Variants in TSPEAR observed in about 807,000 individuals in gnomAD.
TSPEAR encodes thrombospondin-type laminin G domain and EAR repeat-containing protein.
A neutral mutation model predicts 71.6 loss-of-function variants in TSPEAR; 69 were observed. The observed-to-expected ratio is 0.96, with a 90% CI of 0.79 to 1.18. The LOEUF is 1.18. Among genes scored for constraint, TSPEAR ranks in the 50% most tolerant of loss-of-function variants. The probability of loss-of-function intolerance (pLI) is 0.00; values close to 1 mark genes in which losing one functional copy is unlikely to be tolerated. For synonymous variants in TSPEAR, 402 were observed against 387.2 expected (o/e 1.04, Z -0.45); for missense variants, 971 against 894.9 (o/e 1.09, Z -1.09).
intron 2 of TSPEAR, among the ~76,000 whole-genome samples, chr21:44,566,053 A>G (rs1555921700): frequency 2.6e-5 from 4 of 152,030 alleles, no homozygotes; most frequent in African/African-American, 9.7e-5. Flanking sequence ...GGTAGTGTAC[A>G]CCTGTAATTC....
rs1310686791 is a variant in TSPEAR at position 44,508,756 on chromosome 21, C to T, written c.1754+443G>A. 36 of 1,275,088 alleles carry T rather than the reference C, an allele frequency of 2.8e-5. No homozygotes were observed. The East Asian group carries it at 6.2e-4, about 22-fold the overall frequency. 79.0% of individuals were successfully genotyped at this position (1,275,088 alleles called of 1,614,324 possible). A position where few individuals can be genotyped will look rare whatever the true frequency, so the allele number is the denominator to read the frequency against. ...GTCTCCGTGTCCTGGTGTTTGTTGTCGGGGAGGATGCAACATCGGGGGAAG... is the reference window on the plus strand; with the variant it reads ...GTCTCCGTGTCCTGGTGTTTGTTGTTGGGGAGGATGCAACATCGGGGGAAG... On this transcript the variant is annotated intron_variant, in intron 10 of 11. Transcript: ENST00000323084.
intron 1 of TSPEAR, chr21:44,601,313 C>G (rs1555928698): frequency 6.2e-7 from 1 of 1,611,674 alleles, no homozygotes; most frequent in South Asian, 1.1e-5. Context: ...TGCTGTGTGC[C>G]TGTCTGCTGC....
At chr21:44,647,187 C>G in intron 1 of TSPEAR, 1 of 1,614,118 alleles carries the variant, frequency 6.2e-7, no homozygotes, top group Non-Finnish European at 8.5e-7. Context: ...TCTGCCACCC[C>G]GTGTGCAGGT....
chr21:44,652,709 C>T (rs1984885454), intron 1 of TSPEAR, among the ~76,000 whole-genome samples: 2 of 152,138 alleles, frequency 1.3e-5, no homozygotes, highest in South Asian at 4.1e-4. Context: ...ATGGCCAAAA[C>T]TGGGATTCTC....
intron 1 of TSPEAR, chr21:44,592,577 C>G (rs1980059323): frequency 6.6e-7 from 1 of 1,515,818 alleles, no homozygotes; most frequent in Admixed American, 2.1e-5. Context: ...TGTCCCCGGG[C>G]CCACAGCTTC....
chr21:44,551,088 G>A (rs2053418571), intron 2 of TSPEAR: 1 of 1,574,760 alleles, frequency 6.4e-7, no homozygotes, highest in African/African-American at 1.4e-5. Flanking sequence ...CTGGCAGCTA[G>A]ACTGCTGGCA....
rs781909374 is a variant in TSPEAR at position 44,528,587 on chromosome 21, AG to A, written c.791-5del. On this transcript the variant is annotated splice_region_variant and splice_polypyrimidine_tract_variant and intron_variant, in intron 5 of 11. Coordinates refer to ENST00000323084, the MANE Select transcript of TSPEAR (RefSeq NM_144991.3). ...AGCGTCACTCGAATGTTGGTTTCTGAGGGGAAGACCAGGAAGATGAGTTTCC... is the reference window on the plus strand; with the variant it reads ...AGCGTCACTCGAATGTTGGTTTCTGAGGGAAGACCAGGAAGATGAGTTTCC... 2 of 1,613,424 alleles carry A rather than the reference AG, an allele frequency of 1.2e-6. No individual in the cohort carries two copies. Among genetic ancestry groups the A allele is most frequent in the East Asian group, 4.5e-5 (2 of 44,876 alleles).
At chr21:44,633,803 T>A (rs1211544974) in intron 1 of TSPEAR, among the ~76,000 whole-genome samples, 3 of 152,248 alleles carry the variant, frequency 2.0e-5, no homozygotes, top group Non-Finnish European at 4.4e-5. Flanking sequence ...AAAATTTTTT[T>A]TAATCAGTGG....
At chr21:44,594,931 C>T (rs1226500993) in intron 1 of TSPEAR, among the ~76,000 whole-genome samples, 1 of 150,012 alleles carries the variant, frequency 6.7e-6, no homozygotes, top group Non-Finnish European at 1.5e-5. Flanking sequence ...AAGCAATTCT[C>T]CTGCCTCAGC....
In TSPEAR at chr21:44,653,424, A is replaced by G. The variant is rs782422761; in HGVS notation, c.82+58009T>C. On this transcript the variant is annotated intron_variant, in intron 1 of 11. Transcript: ENST00000323084. ...CCCCCGGGCTGGTGTGAGCTGAAACACGGAGCCGGAATCTCTGACAGAGCT... is the reference window on the plus strand; with the variant it reads ...CCCCCGGGCTGGTGTGAGCTGAAACGCGGAGCCGGAATCTCTGACAGAGCT... 8.5e-5 allele frequency among the ~76,000 whole-genome samples: 13 copies of G among 152,228 alleles called. No homozygotes were observed. In the South Asian group the frequency reaches 2.3e-3, roughly 27 times the overall value.
chr21:44,560,382 G>C (rs1266351076), intron 2 of TSPEAR, among the ~76,000 whole-genome samples: 2 of 152,110 alleles, frequency 1.3e-5, no homozygotes, highest in Non-Finnish European at 2.9e-5. Flanking sequence ...CACAATAATA[G>C]TGGGAAACTT....
At chr21:44,698,169 A>T in intron 1 of TSPEAR, 2 of 606,416 alleles carry the variant, frequency 3.3e-6, no homozygotes, top group East Asian at 2.8e-5. Flanking sequence ...ACCACTTCCC[A>T]CATTCCAGGC....
Position 44,498,816 on chromosome 21 carries a change from G to A in TSPEAR, c.*967C>T, listed in dbSNP as rs1357033095. 2.6e-5 allele frequency: 4 copies of A among 152,388 alleles called. No individual in the cohort carries two copies. Among genetic ancestry groups the A allele is most frequent in the African/African-American group, 4.8e-5 (2 of 41,474 alleles). 9.4% of individuals were successfully genotyped at this position (152,388 alleles called of 1,614,324 possible). ...TGCTGTCTGAGCCTCTTCTCATGGA[G>A]TGGGGGTGGTTTCTCTGGCACCTAC... is the stretch of plus-strand genomic sequence containing the variant. On this transcript the variant is annotated 3_prime_UTR_variant, in exon 12 of 12. Transcript: ENST00000323084.
At chr21:44,535,818 G>A (rs138532594) in intron 2 of TSPEAR, among the ~76,000 whole-genome samples, 3,423 of 151,114 alleles carry the variant, frequency 0.023, 123 homozygotes, top group African/African-American at 0.079. Flanking sequence ...CGCCCGCTTC[G>A]GCCTCCCAAA....
intron 1 of TSPEAR, among the ~76,000 whole-genome samples, chr21:44,663,110 G>GAA (rs34298789): frequency 4.5e-4 from 67 of 147,750 alleles, no homozygotes; most frequent in South Asian, 2.5e-3. Flanking sequence ...TTAAAAATCT[G>GAA]AAAAAAAAAA....
At chr21:44,535,029 C>CATGCTATTTTTGTTTTTT (rs2053064125) in intron 2 of TSPEAR, among the ~76,000 whole-genome samples, 1 of 152,096 alleles carries the variant, frequency 6.6e-6, no homozygotes, top group South Asian at 2.1e-4. Flanking sequence ...AGACTGGTCA[C>CATGCTATTTTTGTTTTTT]ATTCACAGAG....
At chr21:44,561,374 T>C (rs1364803911) in intron 2 of TSPEAR, among the ~76,000 whole-genome samples, 2 of 152,152 alleles carry the variant, frequency 1.3e-5, no homozygotes, top group African/African-American at 4.8e-5. Flanking sequence ...CGGGACCAGA[T>C]GGATTCACAG....
chr21:44,550,155 G>A (rs1259895763), intron 2 of TSPEAR, among the ~76,000 whole-genome samples: 1 of 152,262 alleles, frequency 6.6e-6, no homozygotes, highest in African/African-American at 2.4e-5. Flanking sequence ...CAAGGCTTTT[G>A]GGCCCCACAG....
chr21:44,697,765 C>A, intron 1 of TSPEAR: 1 of 1,614,134 alleles, frequency 6.2e-7, no homozygotes, highest in Non-Finnish European at 8.5e-7. Flanking sequence ...CCACCTCCTG[C>A]TGCAGACCCT....
Sources: allele counts gnomAD v4.1 joint callset (sites outside exome capture counted in the v4.1 genomes callset), GRCh38; gene constraint gnomAD v4.1.1; transcripts MANE v1.5; gene names NCBI Gene and HGNC (gene_info 2026-07-23, HGNC 2026-07-21).